The following PANK2 variants were observed in gnomAD, a reference collection of about 807,000 sequenced individuals.
PANK2 encodes pantothenate kinase 2, mitochondrial.
PANK2 carries 36 observed loss-of-function variants against 43.1 expected under a neutral mutation model. The ratio of observed to expected loss-of-function variants is 0.84; its 90% CI spans 0.64 to 1.10. PANK2 has a LOEUF of 1.10. PANK2 is among the 50% of genes least tolerant of loss of function. PANK2 has a pLI of 0.00. For synonymous variants in PANK2, 281 were observed against 238.2 expected, an observed-to-expected ratio of 1.18 and a Z score of -1.66; for missense variants, 576 against 593.3, an observed-to-expected ratio of 0.97 and a Z score of 0.30.
In PANK2 at chr20:3,898,547, C is replaced by T. The variant is rs1393286204; in HGVS notation, c.298+8819C>T. On this transcript the variant is annotated intron_variant, in intron 1 of 6. Coordinates refer to ENST00000610179, the MANE Select transcript of PANK2 (RefSeq NM_001386393.1). ...ATAAATATGTAAGGCTAGATGTTTCCGTTTAAGTACTACTTTGGGTATATC... is the reference window on the plus strand; with the variant it reads ...ATAAATATGTAAGGCTAGATGTTTCTGTTTAAGTACTACTTTGGGTATATC... Among the ~76,000 whole-genome samples, 3 of 152,048 alleles carry T rather than the reference C, an allele frequency of 2.0e-5. No homozygotes were observed. In the Admixed American group the frequency reaches 2.0e-4, roughly 10 times the overall value.
Position 3,925,582 on chromosome 20 carries a change from C to G in PANK2, c.*2288C>G, listed in dbSNP as rs190109151. ...ACCAGTGAATCCCATGCCACCGAATCTGGCATTCATTTCACAGCCTCATCT... is the reference window on the plus strand; with the variant it reads ...ACCAGTGAATCCCATGCCACCGAATGTGGCATTCATTTCACAGCCTCATCT... On this transcript the variant is annotated 3_prime_UTR_variant, in exon 7 of 7. Transcript: ENST00000610179. 6 of 152,364 alleles carry G rather than the reference C, an allele frequency of 3.9e-5. No homozygotes were observed. The highest frequency in any genetic ancestry group is 3.3e-4 in the Admixed American group (5 of 15,298). 9.4% of individuals were successfully genotyped at this position (152,364 alleles called of 1,614,324 possible). A position where few individuals can be genotyped will look rare whatever the true frequency, so the allele number is the denominator to read the frequency against.
Position 3,910,563 on chromosome 20 carries a change from T to C in PANK2, c.652-14T>C, listed in dbSNP as rs1413746581. 1.9e-6 allele frequency: 3 copies of C among 1,613,950 alleles called. No individual in the cohort carries two copies. The highest frequency in any genetic ancestry group is 2.5e-6 in the Non-Finnish European group (3 of 1,179,986). On this transcript the variant is annotated splice_polypyrimidine_tract_variant and intron_variant, in intron 2 of 6. Transcript: ENST00000610179. ...CTTATTAAAAAGTCTGAGTACATTC[T>C]TATTTCATTACAGATAGGTGATCTT...
At chr20:3,907,264 G>A (rs2090403063) in intron 1 of PANK2, among the ~76,000 whole-genome samples, 1 of 151,882 alleles carries the variant, frequency 6.6e-6, no homozygotes, top group African/African-American at 2.4e-5. Flanking sequence ...ACCATGCCTG[G>A]CTAATTTTTG....
Position 3,911,518 on chromosome 20 carries a change from A to T in PANK2, c.905+688A>T, listed in dbSNP as rs531316132. Among the ~76,000 whole-genome samples, 6 of 151,080 alleles carry T rather than the reference A, an allele frequency of 4.0e-5. No individual in the cohort carries two copies. The East Asian group carries it at 7.9e-4, about 20-fold the overall frequency. On this transcript the variant is annotated intron_variant, in intron 3 of 6. Coordinates refer to ENST00000610179, the MANE Select transcript of PANK2 (RefSeq NM_001386393.1). ...AGAATTGCTTGAATTCAGAGGGTGG[A>T]GGTTGCAGTAAGCCGAGATTATGCC...
At chr20:3,889,057 G>C (rs546468641), upstream of PANK2, 137 of 1,468,058 alleles carry the variant, frequency 9.3e-5, 1 homozygote, top group East Asian at 2.2e-3. Flanking sequence ...CGCGGCCCGG[G>C]GGGGCAGAGG....
At chr20:3,901,862 C>A (rs1278843720) in intron 1 of PANK2, among the ~76,000 whole-genome samples, 1 of 151,986 alleles carries the variant, frequency 6.6e-6, no homozygotes, top group Non-Finnish European at 1.5e-5. Context: ...GTTTCAAAAT[C>A]ATTTTCCTTA....
At chr20:3,888,984 G>T, upstream of PANK2, 1 of 816,894 alleles carries the variant, frequency 1.2e-6, no homozygotes, top group Non-Finnish European at 1.9e-6. Flanking sequence ...CTGGAGGAGG[G>T]CTCGAGCTGC....
chr20:3,895,254 A>G (rs1321750892), intron 1 of PANK2, among the ~76,000 whole-genome samples: 1 of 152,108 alleles, frequency 6.6e-6, no homozygotes, highest in Non-Finnish European at 1.5e-5. Flanking sequence ...AGCCTGGGAG[A>G]CAGGGCGAGA....
At chr20:3,910,536 G>C in intron 2 of PANK2, 41 bp from the exon 3 acceptor site, 1 of 1,612,406 alleles carries the variant, frequency 6.2e-7, no homozygotes, top group Admixed American at 1.7e-5. Flanking sequence ...TGTTTCTGTT[G>C]GCTTATTAAA....
At chr20:3,913,937 T>C (rs7268978) in intron 4 of PANK2, among the ~76,000 whole-genome samples, 73,859 of 151,226 alleles carry the variant, frequency 0.49, 18,219 homozygotes, top group Non-Finnish European at 0.53. Context: ...TACAGGTGCC[T>C]GCCACCACGC....
intron 1 of PANK2, among the ~76,000 whole-genome samples, chr20:3,897,885 A>G (rs906007585): frequency 6.6e-6 from 1 of 152,066 alleles, no homozygotes; most frequent in Non-Finnish European, 1.5e-5. Context: ...CGAGCCTGTA[A>G]TCCCAGCTAC....
intron 1 of PANK2, among the ~76,000 whole-genome samples, chr20:3,902,394 A>G (rs557869410): frequency 6.6e-6 from 1 of 151,750 alleles, no homozygotes; most frequent in East Asian, 1.9e-4. Context: ...CAGTGGGACA[A>G]TCTTGGCTCA....
At position 3,926,961 on chromosome 20, in the gene PANK2, AT is replaced by A. The variant is rs1336327608; in HGVS notation, c.*3668del. 1.9e-5 allele frequency: 3 copies of A among 156,350 alleles called. No individual in the cohort carries two copies. The highest frequency in any genetic ancestry group is 4.2e-5 in the Non-Finnish European group (3 of 71,802). 9.7% of individuals were successfully genotyped at this position (156,350 alleles called of 1,614,324 possible). A position where few individuals can be genotyped will look rare whatever the true frequency, so the allele number is the denominator to read the frequency against. ...GTCTCAAAAAAAAAAAAAAAAAAAAATCCGCTATTTCAGGTCACCCTGGTGC... is the reference window on the plus strand; with the variant it reads ...GTCTCAAAAAAAAAAAAAAAAAAAAACCGCTATTTCAGGTCACCCTGGTGC... On this transcript the variant is annotated 3_prime_UTR_variant, in exon 7 of 7. Transcript: ENST00000610179.
chr20:3,913,627 G>C (rs1045181446), intron 4 of PANK2, among the ~76,000 whole-genome samples: 5 of 151,920 alleles, frequency 3.3e-5, no homozygotes, highest in African/African-American at 1.2e-4. Flanking sequence ...GAGCCACCGC[G>C]CCCGGCTGCC....
chr20:3,915,391 C>T (rs371127325), intron 4 of PANK2, among the ~76,000 whole-genome samples: 12 of 152,086 alleles, frequency 7.9e-5, no homozygotes, highest in East Asian at 7.7e-4. Flanking sequence ...CTCCACCTCC[C>T]GGGTTCAAGC....
chr20:3,899,359 C>CG (rs1196271902), intron 1 of PANK2, among the ~76,000 whole-genome samples: 3 of 150,908 alleles, frequency 2.0e-5, no homozygotes, highest in African/African-American at 7.3e-5. Context: ...TTATTGGAGA[C>CG]GGGGCTTCAC....
intron 4 of PANK2, among the ~76,000 whole-genome samples, chr20:3,915,701 C>T (rs975510653): frequency 3.9e-5 from 6 of 152,152 alleles, no homozygotes; most frequent in Admixed American, 6.6e-5. Context: ...GTGTGGATAT[C>T]CAGTTGTCCT....
chr20:3,892,808 C>T lies in PANK2; in HGVS notation c.298+3080C>T, dbSNP rs532320426. 2.6e-5 allele frequency among the ~76,000 whole-genome samples: 4 copies of T among 151,994 alleles called. No individual in the cohort carries two copies. The South Asian group carries it at 6.2e-4, about 24-fold the overall frequency. ...GCATTCTTGTGGTCCTGGTTGTAGT[C>T]GTGTTCTGTCACGCGTTTCCTAGAG... On this transcript the variant is annotated intron_variant, in intron 1 of 6. Transcript: ENST00000610179.
chr20:3,904,525 T>C (rs1442365204), intron 1 of PANK2, among the ~76,000 whole-genome samples: 2 of 152,116 alleles, frequency 1.3e-5, no homozygotes, highest in East Asian at 3.9e-4. Context: ...TGTGATTGAG[T>C]TGTGATTGCA....
Sources: gnomAD v4.1 joint callset for allele counts (sites outside exome capture counted in the v4.1 genomes callset) on GRCh38, gnomAD v4.1.1 for gene constraint, MANE v1.5 for transcripts, NCBI Gene and HGNC (gene_info 2026-07-23, HGNC 2026-07-21) for gene names.